The following EBF3 variants were observed in gnomAD, a reference collection of about 807,000 sequenced individuals.
EBF3 encodes the protein transcription factor COE3.
In EBF3, 18 loss-of-function variants were observed where a neutral mutation model predicts 77.1. The ratio of observed to expected loss-of-function variants is 0.23; its 90% CI spans 0.16 to 0.35. The LOEUF (loss-of-function observed/expected upper bound fraction) is 0.35, where lower values mean the gene tolerates loss of function less well. EBF3 is among the 10% of genes least tolerant of loss of function. The pLI, the probability that EBF3 is intolerant of heterozygous loss-of-function variation, is 1.00. For missense variants in EBF3, 558 were observed against 860.0 expected (o/e 0.65, Z 4.39); for synonymous variants, 350 against 343.5 (o/e 1.02, Z -0.21).
At chr10:129,898,560 G>A (rs777458249) in intron 6 of EBF3, among the ~76,000 whole-genome samples, 5 of 152,166 alleles carry the variant, frequency 3.3e-5, no homozygotes, top group Admixed American at 1.3e-4. Context: ...GTTTGCATCC[G>A]TCGCCCCACT....
chr10:129,843,891 C>T (rs763919934), intron 11 of EBF3, among the ~76,000 whole-genome samples: 2 of 152,178 alleles, frequency 1.3e-5, no homozygotes, highest in Admixed American at 6.5e-5. Context: ...TTGGATGCAC[C>T]GAGTTTTGTC....
chr10:129,855,619 T>C (rs1193065473), intron 10 of EBF3, among the ~76,000 whole-genome samples: 1 of 151,986 alleles, frequency 6.6e-6, no homozygotes, highest in Non-Finnish European at 1.5e-5. Context: ...CCTATAACCC[T>C]CAAGCTCCCC....
At chr10:129,898,309 G>A (rs1021961594) in intron 6 of EBF3, among the ~76,000 whole-genome samples, 6 of 152,198 alleles carry the variant, frequency 3.9e-5, no homozygotes, top group African/African-American at 4.8e-5. Context: ...AATCTAATAC[G>A]GGGTCCCGGG....
chr10:129,867,720 G>A, intron 9 of EBF3, 62 bp downstream of exon 9: 2 of 1,600,588 alleles, frequency 1.2e-6, no homozygotes, highest in South Asian at 2.2e-5. Context: ...ACTATTGACA[G>A]CTTGTCAAAT....
intron 6 of EBF3, among the ~76,000 whole-genome samples, chr10:129,954,975 C>A (rs753348054): frequency 6.6e-6 from 1 of 152,084 alleles, no homozygotes; most frequent in African/African-American, 2.4e-5. Context: ...TTGCAAAAGA[C>A]GGTGTCAGTC....
At chr10:129,918,753 T>C (rs748870321) in intron 6 of EBF3, among the ~76,000 whole-genome samples, 3 of 152,234 alleles carry the variant, frequency 2.0e-5, no homozygotes, top group Non-Finnish European at 2.9e-5. Flanking sequence ...ATGTCTGTCC[T>C]TGCTGGAATC....
At chr10:129,959,287 C>T (rs1295263614) in intron 4 of EBF3, among the ~76,000 whole-genome samples, 1 of 151,996 alleles carries the variant, frequency 6.6e-6, no homozygotes, top group African/African-American at 2.4e-5. Flanking sequence ...GGGCTCGGGC[C>T]GCGGGGAGGG....
chr10:129,887,956 A>G (rs143808145), intron 6 of EBF3, among the ~76,000 whole-genome samples: 162 of 152,318 alleles, frequency 1.1e-3, no homozygotes, highest in African/African-American at 3.7e-3. Context: ...GGACCATGCC[A>G]TAGAAACTCC....
rs1853503193 is a variant in EBF3, at chr10:129,885,416, G to GCCC, written c.555-7570_555-7568dup. Reference sequence around the variant, plus strand: ...CAAGCTTCGTCAGCCACCCCACTCCGCCCGCTGTCAGTGTTCTAGTTAGTA... The same window carrying GCCC: ...CAAGCTTCGTCAGCCACCCCACTCCGCCCCCCGCTGTCAGTGTTCTAGTTAGTA... On this transcript the variant is annotated intron_variant, in intron 6 of 16. Coordinates refer to ENST00000440978, the MANE Select transcript of EBF3 (RefSeq NM_001375380.1). The surrounding 1 kb of genome is among the most constrained non-coding windows in gnomAD (Gnocchi z 4.0). 6.6e-6 allele frequency among the ~76,000 whole-genome samples: 1 copy of GCCC among 152,100 alleles called. No homozygotes were observed. The highest frequency in any genetic ancestry group is 2.1e-4 in the South Asian group (1 of 4,816).
chr10:129,857,033 G>T (rs1851301647), intron 10 of EBF3, among the ~76,000 whole-genome samples: 1 of 152,202 alleles, frequency 6.6e-6, no homozygotes. Context: ...AGCAGTGGGG[G>T]AAGGGCCTGG....
At chr10:129,878,661 CAAAAA>C (rs538628576) in intron 6 of EBF3, among the ~76,000 whole-genome samples, 3 of 34,850 alleles carry the variant, frequency 8.6e-5, no homozygotes, top group East Asian at 9.4e-4. Context: ...GGCTCTGTCT[CAAAAA>C]AAAAAAAAAA....
intron 6 of EBF3, among the ~76,000 whole-genome samples, chr10:129,933,489 A>C (rs1370817822): frequency 6.6e-6 from 1 of 152,254 alleles, no homozygotes; most frequent in African/African-American, 2.4e-5. Context: ...GCATTCGATT[A>C]GAGCTAAAGT....
In EBF3 at chr10:129,875,187, C is replaced by CTTCTTTTTTTTTTTTTTTTTTT. The variant is rs1852672323; in HGVS notation, c.637-1592_637-1591insAAAAAAAAAAAAAAAAAAAGAA. The stretch of plus-strand genomic sequence containing the variant: ...ATACATGTGCAAGTGATGGCTTCTT[C>CTTCTTTTTTTTTTTTTTTTTTT]TTTTTTTTTTTTTTTTTTTTTTTTT... On this transcript the variant is annotated intron_variant, in intron 7 of 16. Transcript: ENST00000440978. 9.7e-5 allele frequency among the ~76,000 whole-genome samples: 9 copies of CTTCTTTTTTTTTTTTTTTTTTT among 92,932 alleles called. 1 individual carries two copies. The highest frequency in any genetic ancestry group is 3.3e-4 in the African/African-American group (8 of 24,372). The allele number at this position is 92,932 out of a possible 152,430, so 61.0% of individuals were successfully genotyped here.
At chr10:129,961,846 A>G (rs539416903) in intron 4 of EBF3, among the ~76,000 whole-genome samples, 2 of 152,348 alleles carry the variant, frequency 1.3e-5, no homozygotes, top group South Asian at 4.1e-4. Flanking sequence ...GATTCCTAGC[A>G]GAGAGAGAAG....
Position 129,935,719 on chromosome 10 carries a change from A to G in EBF3, c.554+21539T>C, listed in dbSNP as rs1857313106. ...TCAGCACTGGGGAGTCCAGAGGCCAACCCCGCAGTCACTGCTGCACAGAAA... is the reference window on the plus strand; with the variant it reads ...TCAGCACTGGGGAGTCCAGAGGCCAGCCCCGCAGTCACTGCTGCACAGAAA... On this transcript the variant is annotated intron_variant, in intron 6 of 16. Transcript: ENST00000440978. The surrounding 1 kb of genome is among the most constrained non-coding windows in gnomAD (Gnocchi z 4.2). Among the ~76,000 whole-genome samples the G allele has an allele frequency of 6.6e-6, 1 of 152,134 alleles. No individual in the cohort carries two copies. Among genetic ancestry groups the G allele is most frequent in the African/African-American group, 2.4e-5 (1 of 41,432 alleles).
At position 129,941,111 on chromosome 10, in the gene EBF3, G is replaced by A. The variant is rs189642293; in HGVS notation, c.554+16147C>T. Among the ~76,000 whole-genome samples, 18 of 152,318 alleles carry A rather than the reference G, an allele frequency of 1.2e-4. 1 individual carries two copies. Among genetic ancestry groups the A allele is most frequent in the Admixed American group, 9.1e-4 (14 of 15,302 alleles). ...TCAGTGACAACATGTGGGAAAATGC[G>A]TTTATTTTAAATTAGGAAAGTAAAA... On this transcript the variant is annotated intron_variant, in intron 6 of 16. Transcript: ENST00000440978.
At position 129,879,045 on chromosome 10, in the gene EBF3, T is replaced by C. The variant is rs1853011627; in HGVS notation, c.555-1196A>G. Among the ~76,000 whole-genome samples, 1 of 152,022 alleles carries C rather than the reference T, an allele frequency of 6.6e-6. No individual in the cohort carries two copies. Among genetic ancestry groups the C allele is most frequent in the South Asian group, 2.1e-4 (1 of 4,818 alleles). On this transcript the variant is annotated intron_variant, in intron 6 of 16. Transcript: ENST00000440978. This position sits in a 1 kb window ranked among gnomAD's most constrained non-coding sequence, Gnocchi z 4.7. ...AAGATTCAGGGGTCCTGACAGTGTG[T>C]TGAGATGCTGTGACTAAAACGTCAT...
rs75845096 is a variant in EBF3, at chr10:129,864,417, G to A, written c.1039+2724C>T. Among the ~76,000 whole-genome samples the A allele has an allele frequency of 0.026, 3,931 of 152,258 alleles. 184 individuals are homozygous for A. Among genetic ancestry groups the A allele is most frequent in the African/African-American group, 0.089 (3,716 of 41,524 alleles). ...CCAAGGCCTTTCTCTGCAGCACTGG[G>A]GACAGAATCCCCAGGAGACAGCAGG... On this transcript the variant is annotated intron_variant, in intron 10 of 16. Transcript: ENST00000440978. The surrounding 1 kb of genome is among the most constrained non-coding windows in gnomAD (Gnocchi z 4.4).
chr10:129,875,849 G>T (rs1432855254), intron 7 of EBF3, among the ~76,000 whole-genome samples: 1 of 152,162 alleles, frequency 6.6e-6, no homozygotes, highest in Non-Finnish European at 1.5e-5. Flanking sequence ...CCTGTTCCTG[G>T]TCACCCAGGT....
Sources: gnomAD v4.1 joint callset for allele counts (sites outside exome capture counted in the v4.1 genomes callset) on GRCh38, gnomAD v4.1.1 for gene constraint, Gnocchi (gnomAD v3.1) non-coding constraint, MANE v1.5 for transcripts, NCBI Gene and HGNC (gene_info 2026-07-23, HGNC 2026-07-21) for gene names.